TMCO1: variants seen among roughly 807,000 people sequenced by gnomAD.
TMCO1 encodes the protein transmembrane and coiled-coil domains 1.
Under a neutral mutation model 29.3 loss-of-function variants are expected in TMCO1, and 29 were observed. The ratio of observed to expected loss-of-function variants is 0.99; its 90% CI spans 0.74 to 1.35. TMCO1 has a LOEUF of 1.35. Among genes scored for constraint, TMCO1 ranks in the 40% most tolerant of loss-of-function variants. The pLI, the probability that TMCO1 is intolerant of heterozygous loss-of-function variation, is 0.00. For synonymous variants in TMCO1, 80 were observed against 77.1 expected, an observed-to-expected ratio of 1.04 and a Z score of -0.20; for missense variants, 173 against 225.5, an observed-to-expected ratio of 0.77 and a Z score of 1.49.
At chr1:165,724,570 C>G (rs1345517873), downstream of TMCO1, 6 of 453,982 alleles carry the variant, frequency 1.3e-5, no homozygotes, top group East Asian at 4.2e-4. Flanking sequence ...AGCAGACTTA[C>G]AGATCACCAG....
chr1:165,755,680 AAAC>A lies in TMCO1; in HGVS notation c.209-1409_209-1407del, dbSNP rs1451360980. Among the ~76,000 whole-genome samples, 19 of 152,292 alleles carry A rather than the reference AAAC, an allele frequency of 1.2e-4. No homozygotes were observed. In the East Asian group the frequency reaches 3.7e-3, roughly 29 times the overall value. On this transcript the variant is annotated intron_variant, in intron 3 of 6. Coordinates refer to ENST00000367881, the MANE Select transcript of TMCO1 (RefSeq NM_019026.6). ...CAAAAACAAAAACAAAAGCAAAACAAAACAAAAAAAGAAAAGAGATACTTATCC... is the reference window on the plus strand; with the variant it reads ...CAAAAACAAAAACAAAAGCAAAACAAAAAAAAAGAAAAGAGATACTTATCC...
At chr1:165,740,462 C>T (rs1331095420) in intron 6 of TMCO1, among the ~76,000 whole-genome samples, 1 of 152,150 alleles carries the variant, frequency 6.6e-6, no homozygotes, top group Non-Finnish European at 1.5e-5. Context: ...GCCTCGACCT[C>T]CCAAAGTGCT....
intron 6 of TMCO1, among the ~76,000 whole-genome samples, chr1:165,728,854 T>C (rs1651007586): frequency 6.6e-6 from 1 of 152,038 alleles, no homozygotes; most frequent in Non-Finnish European, 1.5e-5. Flanking sequence ...CCCAGCACTT[T>C]GGGAGGCTGA....
At chr1:165,752,498 C>G (rs112399469) in intron 4 of TMCO1, among the ~76,000 whole-genome samples, 1,995 of 151,738 alleles carry the variant, frequency 0.013, 49 homozygotes, top group African/African-American at 0.046. Context: ...CTTGTGACCC[C>G]CCCGCCTCGG....
At chr1:165,755,268 A>G (rs1571226890) in intron 3 of TMCO1, among the ~76,000 whole-genome samples, 2 of 152,344 alleles carry the variant, frequency 1.3e-5, no homozygotes, top group African/African-American at 4.8e-5. Context: ...CTGACCACAG[A>G]GTCAGTAGAC....
At chr1:165,725,269 T>A (rs1424275620), downstream of TMCO1, 3 of 453,890 alleles carry the variant, frequency 6.6e-6, no homozygotes, top group South Asian at 4.7e-5. Flanking sequence ...GCAAAATGCT[T>A]TTGTTTTAGA....
intron 6 of TMCO1, among the ~76,000 whole-genome samples, chr1:165,737,176 A>G (rs1286250806): frequency 6.6e-6 from 1 of 152,220 alleles, no homozygotes; most frequent in Non-Finnish European, 1.5e-5. Context: ...TTAACAAACA[A>G]GAAATCTCAG....
In TMCO1 at chr1:165,765,646, A is replaced by C. The variant is rs546632629; in HGVS notation, c.148+2546T>G. On this transcript the variant is annotated intron_variant, in intron 2 of 6. Coordinates refer to ENST00000367881, the MANE Select transcript of TMCO1 (RefSeq NM_019026.6). Reference sequence around the variant, plus strand: ...GTGATGTTGGAACAAAGATTTGAAGAAGGTAATAGGATTAGCCCAGCACAT... The same window carrying C: ...GTGATGTTGGAACAAAGATTTGAAGCAGGTAATAGGATTAGCCCAGCACAT... Among the ~76,000 whole-genome samples the C allele has an allele frequency of 1.7e-4, 26 of 152,308 alleles. 1 individual carries two copies. In the South Asian group the frequency reaches 5.4e-3, roughly 32 times the overall value.
At chr1:165,731,921 T>C (rs1487878875) in intron 6 of TMCO1, among the ~76,000 whole-genome samples, 1 of 152,248 alleles carries the variant, frequency 6.6e-6, no homozygotes, top group Non-Finnish European at 1.5e-5. Flanking sequence ...GGTATTTGTA[T>C]TTTAACACAA....
intron 3 of TMCO1, among the ~76,000 whole-genome samples, chr1:165,757,686 C>T (rs1312944270): frequency 2.0e-5 from 3 of 152,248 alleles, no homozygotes; most frequent in African/African-American, 4.8e-5. Context: ...TTAGTAGAGA[C>T]GGGGTTTCGC....
At position 165,727,016 on chromosome 1, in the gene TMCO1, T is replaced by G; in HGVS notation, c.*1007A>C. 1 of 454,120 alleles carries G rather than the reference T, an allele frequency of 2.2e-6. No individual in the cohort carries two copies. The highest frequency in any genetic ancestry group is 4.4e-6 in the Non-Finnish European group (1 of 226,784). The allele number at this position is 454,120 out of a possible 1,614,324, so 28.1% of individuals were successfully genotyped here. A position where few individuals can be genotyped will look rare whatever the true frequency, so the allele number is the denominator to read the frequency against. On this transcript the variant is annotated 3_prime_UTR_variant, in exon 7 of 7. Transcript: ENST00000367881. ...TACTCACATTTAAGTAGACATTTGATGAATGTGCATATTTATTGATAAGAC... is the reference window on the plus strand; with the variant it reads ...TACTCACATTTAAGTAGACATTTGAGGAATGTGCATATTTATTGATAAGAC...
Position 165,727,616 on chromosome 1 carries a change from AAAAC to A in TMCO1, c.*403_*406del, listed in dbSNP as rs754512890. 225 of 454,002 alleles carry A rather than the reference AAAAC, an allele frequency of 5.0e-4. 3 individuals are homozygous for A. The highest frequency in any genetic ancestry group is 3.2e-3 in the South Asian group (207 of 64,402). 28.1% of individuals were successfully genotyped at this position (454,002 alleles called of 1,614,324 possible). On this transcript the variant is annotated 3_prime_UTR_variant, in exon 7 of 7. Coordinates refer to ENST00000367881, the MANE Select transcript of TMCO1 (RefSeq NM_019026.6). ...TTTGGCTTGAAAAAAAAACAACAAC[AAAAC>A]AAACAGTTACAAGGGTTAAACAAAC...
intron 5 of TMCO1, among the ~76,000 whole-genome samples, chr1:165,750,738 C>A (rs962892264): frequency 2.6e-5 from 4 of 152,012 alleles, no homozygotes; most frequent in Admixed American, 2.6e-4. Flanking sequence ...TCAGCCTGGG[C>A]AACACAGTGA....
intron 2 of TMCO1, among the ~76,000 whole-genome samples, chr1:165,762,939 AAAG>A (rs1421170762): frequency 6.6e-6 from 1 of 152,234 alleles, no homozygotes; most frequent in Non-Finnish European, 1.5e-5. Flanking sequence ...TAACACAATA[AAAG>A]AAGACCTACT....
intron 6 of TMCO1, among the ~76,000 whole-genome samples, chr1:165,739,206 T>C (rs967828012): frequency 6.6e-6 from 1 of 152,178 alleles, no homozygotes; most frequent in South Asian, 2.1e-4. Context: ...CTTAATAGCA[T>C]ATACCGTACA....
At chr1:165,743,392 G>A in intron 5 of TMCO1, 81 bp from the exon 6 acceptor site, 2 of 1,435,304 alleles carry the variant, frequency 1.4e-6, no homozygotes, top group Non-Finnish European at 1.9e-6. Context: ...ATCTGGGACA[G>A]AAATAGAGCT....
chr1:165,768,641 C>G (rs1252794049), intron 1 of TMCO1, 41 bp downstream of exon 1: 1 of 1,613,882 alleles, frequency 6.2e-7, no homozygotes, highest in Non-Finnish European at 8.5e-7. Flanking sequence ...GGCCCTTCCT[C>G]CCGGGGACTG....
chr1:165,737,995 T>C (rs1266989599), intron 6 of TMCO1, among the ~76,000 whole-genome samples: 1 of 152,152 alleles, frequency 6.6e-6, no homozygotes, highest in African/African-American at 2.4e-5. Flanking sequence ...CATGCCTCCA[T>C]GTTTCCTATG....
intron 3 of TMCO1, among the ~76,000 whole-genome samples, chr1:165,758,203 A>C (rs976068035): frequency 6.6e-6 from 1 of 151,984 alleles, no homozygotes; most frequent in Non-Finnish European, 1.5e-5. Flanking sequence ...CTACTTTCCA[A>C]CTTATCTGGC....
Sources: allele counts gnomAD v4.1 joint callset (sites outside exome capture counted in the v4.1 genomes callset), GRCh38; gene constraint gnomAD v4.1.1; transcripts MANE v1.5; gene names NCBI Gene and HGNC (gene_info 2026-07-23, HGNC 2026-07-21).